The following P2RX4 variants were observed in gnomAD, a reference collection of about 807,000 sequenced individuals.
P2RX4 encodes purinergic receptor P2X 4, also known as P2X purinoceptor 4.
P2RX4 carries 37 observed loss-of-function variants against 48.0 expected under a neutral mutation model. The observed-to-expected ratio is 0.77, with a 90% CI of 0.59 to 1.01. The LOEUF is 1.01. Ranked by LOEUF, P2RX4 falls within the 50% of genes least tolerant of loss-of-function variation. The pLI is 0.00. For missense variants in P2RX4, 501 were observed against 521.4 expected, an observed-to-expected ratio of 0.96 and a Z score of 0.38; for synonymous variants, 200 against 199.7, an observed-to-expected ratio of 1.00 and a Z score of -0.01.
At position 121,228,733 on chromosome 12, in the gene P2RX4, T is replaced by G; in HGVS notation, c.614T>G (p.Ile205Ser). The change falls in exon 7 of 12, where the codon ATC becomes AGC. Residue 205 changes from isoleucine (I) to serine (S), a missense_variant. Ile to Ser is a moderately radical substitution (Grantham distance 142). This residue lies in a region of P2RX4 where 295 missense variants were observed against 275.3 expected (regional missense o/e 1.07). Coordinates refer to ENST00000337233, the MANE Select transcript of P2RX4 (RefSeq NM_002560.3). ...CTTCCTCTCGACTTTAGGAGGAATA[T>G]CCTTCCCAACATCACCACTACTTAC... is the stretch of plus-strand genomic sequence containing the variant. Reference protein sequence around the residue: ...YPKFNFSKRNILPNITTTYLK... With the variant: ...YPKFNFSKRNSLPNITTTYLK... 2 of 1,614,148 alleles carry G rather than the reference T, an allele frequency of 1.2e-6. No homozygotes were observed. Among genetic ancestry groups the G allele is most frequent in the Non-Finnish European group, 8.5e-7 (1 of 1,180,034 alleles).
At chr12:121,231,958 T>C (rs554876040) in intron 8 of P2RX4, among the ~76,000 whole-genome samples, 2 of 145,236 alleles carry the variant, frequency 1.4e-5, no homozygotes, top group Admixed American at 1.4e-4. Flanking sequence ...TGAGCCAAGA[T>C]TGGTGCCCCT....
chr12:121,220,307 CT>C (rs200941845), intron 2 of P2RX4, among the ~76,000 whole-genome samples: 1 of 151,960 alleles, frequency 6.6e-6, no homozygotes, highest in African/African-American at 2.4e-5. Context: ...AGACCCCCCC[CT>C]TTTTTTAACT....
chr12:121,228,780 G>C lies in P2RX4; in HGVS notation c.661G>C (p.Ala221Pro). The change falls in exon 7 of 12, where the codon GCT becomes CCT. Residue 221 changes from alanine (A) to proline (P), a missense_variant. Ala to Pro is a conservative substitution (Grantham distance 27, BLOSUM62 -1). Coordinates refer to ENST00000337233, the MANE Select transcript of P2RX4 (RefSeq NM_002560.3). Reference protein sequence around the residue: ...TTYLKSCIYDAKTDPFCPIFR... With the variant: ...TTYLKSCIYDPKTDPFCPIFR... ...TTACCTCAAGTCGTGCATTTATGATGCTAAAACAGATCCCTTCTGCCCCAT... is the reference window on the plus strand; with the variant it reads ...TTACCTCAAGTCGTGCATTTATGATCCTAAAACAGATCCCTTCTGCCCCAT... 1 of 1,614,108 alleles carries C rather than the reference G, an allele frequency of 6.2e-7. No homozygotes were observed. Among genetic ancestry groups the C allele is most frequent in the Non-Finnish European group, 8.5e-7 (1 of 1,180,008 alleles).
chr12:121,231,808 A>G (rs1169718), intron 8 of P2RX4, among the ~76,000 whole-genome samples: 26,317 of 151,878 alleles, frequency 0.17, 2,683 homozygotes, highest in African/African-American at 0.26. Flanking sequence ...GATTGAGACC[A>G]TCATGGCCAA....
chr12:121,219,618 T>C (rs1316363909), intron 2 of P2RX4, among the ~76,000 whole-genome samples: 1 of 95,928 alleles, frequency 1.0e-5, no homozygotes, highest in African/African-American at 4.0e-5. Flanking sequence ...GATGGATGGA[T>C]AGATAGATAG....
rs556363602 is a variant in P2RX4 at position 121,228,449 on chromosome 12, A to G, written c.525-84A>G. On this transcript the variant is annotated intron_variant, in intron 5 of 11. Coordinates refer to ENST00000337233, the MANE Select transcript of P2RX4 (RefSeq NM_002560.3). ...ACACACACACACAATACATATATATATGTGTGTATATATATATATATAACA... is the reference window on the plus strand; with the variant it reads ...ACACACACACACAATACATATATATGTGTGTGTATATATATATATATAACA... 941 of 611,868 alleles carry G rather than the reference A, an allele frequency of 1.5e-3. 6 individuals are homozygous for G. Among genetic ancestry groups the G allele is most frequent in the South Asian group, 0.015 (714 of 47,834 alleles). 37.9% of individuals were successfully genotyped at this position (611,868 alleles called of 1,614,324 possible).
At chr12:121,226,648 AATTTT>A (rs1267030121) in intron 5 of P2RX4, among the ~76,000 whole-genome samples, 2 of 152,236 alleles carry the variant, frequency 1.3e-5, no homozygotes, top group African/African-American at 2.4e-5. Context: ...TAAAATGGTT[AATTTT>A]ATGTTATGTG....
rs1887189833 is a variant in P2RX4, at chr12:121,229,157, G to A, written c.884+58G>A. ...GTAGGGGGTGCTGGTGGCTGCGTAC[G>A]TGCCAGTGGGCCGCCCACTGAAGAC... On this transcript the variant is annotated intron_variant, in intron 8 of 11. Coordinates refer to ENST00000337233, the MANE Select transcript of P2RX4 (RefSeq NM_002560.3). The surrounding 1 kb of genome is among the most constrained non-coding windows in gnomAD (Gnocchi z 4.6). The A allele has an allele frequency of 7.5e-6, 12 of 1,599,428 alleles. No individual in the cohort carries two copies. The highest frequency in any genetic ancestry group is 1.1e-5 in the South Asian group (1 of 90,604).
At chr12:121,227,680 C>T (rs2136239515) in intron 5 of P2RX4, among the ~76,000 whole-genome samples, 1 of 152,212 alleles carries the variant, frequency 6.6e-6, no homozygotes, top group East Asian at 1.9e-4. Context: ...AGGCTCGGCT[C>T]AGTGTCTTCT....
At chr12:121,219,480 C>T (rs573552749) in intron 2 of P2RX4, among the ~76,000 whole-genome samples, 16 of 152,228 alleles carry the variant, frequency 1.1e-4, no homozygotes, top group Admixed American at 9.8e-4. Context: ...CCTGTAGTCC[C>T]AGCACTTTTG....
chr12:121,222,410 GTTTTGTTT>G lies in P2RX4; in HGVS notation c.427+258_427+265del, dbSNP rs1886689287. The G allele has an allele frequency of 9.0e-6, 4 of 446,438 alleles. No homozygotes were observed. In the East Asian group the frequency reaches 1.1e-4, roughly 12 times the overall value. The allele number at this position is 446,438 out of a possible 1,614,324, so 27.7% of individuals were successfully genotyped here. ...GTTGTTTTTTCTTGTTTTTTTTTTT[GTTTTGTTT>G]TTTTGTTTTTTTGAGCCAGAGTCTC... On this transcript the variant is annotated intron_variant, in intron 4 of 11. Coordinates refer to ENST00000337233, the MANE Select transcript of P2RX4 (RefSeq NM_002560.3).
In P2RX4 at chr12:121,228,722, T is replaced by C; in HGVS notation, c.606-3T>C. ...CTGATTTTCTGCTTCCTCTCGACTT[T>C]AGGAGGAATATCCTTCCCAACATCA... On this transcript the variant is annotated splice_polypyrimidine_tract_variant and splice_region_variant and intron_variant, in intron 6 of 11. Coordinates refer to ENST00000337233, the MANE Select transcript of P2RX4 (RefSeq NM_002560.3). 1 of 1,614,076 alleles carries C rather than the reference T, an allele frequency of 6.2e-7. No individual in the cohort carries two copies. Among genetic ancestry groups the C allele is most frequent in the South Asian group, 1.1e-5 (1 of 91,066 alleles).
At chr12:121,217,388 C>A in intron 2 of P2RX4, 107 bp downstream of exon 2, 1 of 1,104,502 alleles carries the variant, frequency 9.1e-7, no homozygotes, top group Non-Finnish European at 1.4e-6. Flanking sequence ...ATCACCAATG[C>A]CCAGAATGAT....
intron 1 of P2RX4, among the ~76,000 whole-genome samples, chr12:121,211,543 A>T (rs985361858): frequency 2.0e-5 from 3 of 152,040 alleles, no homozygotes; most frequent in Non-Finnish European, 4.4e-5. Flanking sequence ...TTACCTTGCC[A>T]CCTGGGGCCA....
rs1593228877 is a variant in P2RX4 at position 121,232,583 on chromosome 12, CTTT to C, written c.979-23_979-21del. 1 of 1,612,314 alleles carries C rather than the reference CTTT, an allele frequency of 6.2e-7. No homozygotes were observed. The highest frequency in any genetic ancestry group is 8.5e-7 in the Non-Finnish European group (1 of 1,178,330). ...GCCTCTCCCTGCCCCTGCAGAAACA[CTTT>C]TTTTCTTTTTCGGTGTCTTGGCAGG... On this transcript the variant is annotated intron_variant, in intron 9 of 11. Transcript: ENST00000337233. The surrounding 1 kb of genome is among the most constrained non-coding windows in gnomAD (Gnocchi z 4.3).
At chr12:121,231,073 T>C (rs549837890) in intron 8 of P2RX4, among the ~76,000 whole-genome samples, 4 of 151,786 alleles carry the variant, frequency 2.6e-5, no homozygotes, top group African/African-American at 9.7e-5. Context: ...CTGCAGCCTT[T>C]GCCTCCCGGG....
intron 2 of P2RX4, among the ~76,000 whole-genome samples, chr12:121,219,642 TA>T (rs1566001968): frequency 9.5e-5 from 10 of 105,672 alleles, no homozygotes; most frequent in African/African-American, 3.3e-4. Context: ...GATAGATAGA[TA>T]GATAGATAGA....
chr12:121,217,372 C>T lies in P2RX4; in HGVS notation c.282+91C>T, dbSNP rs1886300558. On this transcript the variant is annotated intron_variant, in intron 2 of 11. Transcript: ENST00000337233. Reference sequence around the variant, plus strand: ...GATTAATGATTGACGTGGCCTGAGTCCTGACATCACCAATGCCCAGAATGA... The same window carrying T: ...GATTAATGATTGACGTGGCCTGAGTTCTGACATCACCAATGCCCAGAATGA... 10 of 1,258,748 alleles carry T rather than the reference C, an allele frequency of 7.9e-6. No homozygotes were observed. In the South Asian group the frequency reaches 1.1e-4, roughly 14 times the overall value. The allele number at this position is 1,258,748 out of a possible 1,614,324, so 78.0% of individuals were successfully genotyped here.
intron 4 of P2RX4, chr12:121,222,398 G>GTTTTTTTTTTTTTTTTTTTTTTTTTT: frequency 4.7e-6 from 2 of 425,550 alleles, no homozygotes; most frequent in Non-Finnish European, 4.2e-6. Flanking sequence ...GTTTTTTCTT[G>GTTTTTTTTTTTTTTTTTTTTTTTTTT]TTTTTTTTTT....
Sources: allele counts gnomAD v4.1 joint callset (sites outside exome capture counted in the v4.1 genomes callset), GRCh38; gene constraint gnomAD v4.1.1; regional missense constraint gnomAD v4.1.1; non-coding constraint Gnocchi (gnomAD v3.1); transcripts MANE v1.5; gene names NCBI Gene and HGNC (gene_info 2026-07-23, HGNC 2026-07-21).